The following UBAP2 variants were observed in gnomAD, a reference collection of about 807,000 sequenced individuals.
UBAP2 encodes the protein ubiquitin-associated protein 2.
A neutral mutation model predicts 139.6 loss-of-function variants in UBAP2; 75 were observed. The ratio of observed to expected loss-of-function variants is 0.54; its 90% CI spans 0.45 to 0.65. The LOEUF (loss-of-function observed/expected upper bound fraction) is 0.65. UBAP2 is among the 30% of genes least tolerant of loss of function. The pLI is 0.00. For missense variants in UBAP2, 1,368 were observed against 1,369.6 expected (o/e 1.00, Z 0.02); for synonymous variants, 526 against 526.2 (o/e 1.00, Z 0.01).
At chr9:33,977,058 A>T (rs1245896972) in intron 6 of UBAP2, among the ~76,000 whole-genome samples, 1 of 133,830 alleles carries the variant, frequency 7.5e-6, no homozygotes, top group Non-Finnish European at 1.6e-5. Flanking sequence ...TTTTTTTTTG[A>T]GACAGAGTCT....
chr9:33,986,752 T>C lies in UBAP2; in HGVS notation c.520+8A>G. ...GAAAGCATTTTCTTCCCTCTTACTC[T>C]AGCTTACCTCTACCCCGGGCTCGCT... is the stretch of plus-strand genomic sequence containing the variant. On this transcript the variant is annotated splice_region_variant and intron_variant, in intron 6 of 28. Coordinates refer to ENST00000379238, the MANE Select transcript of UBAP2 (RefSeq NM_001370062.2). The C allele has an allele frequency of 1.2e-6, 2 of 1,607,280 alleles. No homozygotes were observed. The highest frequency in any genetic ancestry group is 1.7e-6 in the Non-Finnish European group (2 of 1,174,948).
At chr9:34,003,673 C>T (rs549197555) in intron 2 of UBAP2, among the ~76,000 whole-genome samples, 1 of 152,208 alleles carries the variant, frequency 6.6e-6, no homozygotes, top group East Asian at 1.9e-4. Context: ...TCCCAAAGTG[C>T]TGGGATTACA....
At chr9:33,970,866 G>T (rs1054952571) in intron 8 of UBAP2, among the ~76,000 whole-genome samples, 1 of 152,186 alleles carries the variant, frequency 6.6e-6, no homozygotes, top group African/African-American at 2.4e-5. Flanking sequence ...GCAATGGCAC[G>T]ATCTCGGCTC....
At chr9:34,000,739 G>A (rs1822628149) in intron 2 of UBAP2, among the ~76,000 whole-genome samples, 1 of 152,170 alleles carries the variant, frequency 6.6e-6, no homozygotes, top group Non-Finnish European at 1.5e-5. Flanking sequence ...GGGATAAGTG[G>A]GAGTTGTTGA....
chr9:33,949,468 C>T (rs776538494), intron 12 of UBAP2, among the ~76,000 whole-genome samples: 7 of 152,034 alleles, frequency 4.6e-5, no homozygotes, highest in African/African-American at 1.4e-4. Context: ...TTTGGGAAGC[C>T]GAGGTGGGTG....
Position 33,923,420 on chromosome 9 carries a change from A to G in UBAP2, c.2855T>C (p.Phe952Ser). The G allele has an allele frequency of 6.2e-7, 1 of 1,613,996 alleles. No individual in the cohort carries two copies. Among genetic ancestry groups the G allele is most frequent in the Non-Finnish European group, 8.5e-7 (1 of 1,179,974 alleles). The change falls in exon 25 of 29, where the codon TTC becomes TCC. Residue 952 changes from phenylalanine to serine, a missense_variant. Physicochemically the swap from Phe to Ser is radical, Grantham distance 155. Transcript: ENST00000379238. Reference protein sequence around the residue: ...GVNLSTPTPPFQQASGYGQHG... With the variant: ...GVNLSTPTPPSQQASGYGQHG... ...CTGGCCATAACCACTGGCCTGCTGG[A>G]AGGGAGGTGTGGGAGTGCTGAGGTT...
chr9:33,953,422 C>G lies in UBAP2; in HGVS notation c.919G>C (p.Glu307Gln), dbSNP rs1564028347. Residue 307 changes from glutamate (E) to glutamine (Q), a missense_variant, in exon 12 of 29, where the codon GAA becomes CAA. By Grantham distance (29) the Glu-to-Gln change is conservative (BLOSUM62 2). Coordinates refer to ENST00000379238, the MANE Select transcript of UBAP2 (RefSeq NM_001370062.2). The part of the protein sequence containing the change: ...QKPVPHSQAS[E>Q]ANSFETSQQQ... ...TGGGAAGTTTCAAAGGAGTTGGCTT[C>G]TGAGGCTTGACTGTGAGGAACAGGC... is the stretch of plus-strand genomic sequence containing the variant. 1 of 1,614,140 alleles carries G rather than the reference C, an allele frequency of 6.2e-7. No homozygotes were observed. Among genetic ancestry groups the G allele is most frequent in the Non-Finnish European group, 8.5e-7 (1 of 1,180,018 alleles).
At chr9:34,008,942 C>A (rs547771612) in intron 2 of UBAP2, among the ~76,000 whole-genome samples, 1 of 112,840 alleles carries the variant, frequency 8.9e-6, no homozygotes, top group Non-Finnish European at 1.6e-5. Context: ...TCCAGCCTGG[C>A]GACACAGCGA....
chr9:34,013,387 C>A (rs1463112826), intron 2 of UBAP2, among the ~76,000 whole-genome samples: 2 of 151,690 alleles, frequency 1.3e-5, no homozygotes, highest in African/African-American at 4.8e-5. Context: ...CCGTCTCTAC[C>A]AAACATACAA....
chr9:33,956,404 T>C (rs1268434439), intron 10 of UBAP2, among the ~76,000 whole-genome samples: 3 of 151,576 alleles, frequency 2.0e-5, no homozygotes, highest in Admixed American at 6.6e-5. Context: ...CTGCAATCTG[T>C]GCCTCCTGGG....
At chr9:33,970,785 TTA>T (rs1315055968) in intron 8 of UBAP2, among the ~76,000 whole-genome samples, 1 of 152,034 alleles carries the variant, frequency 6.6e-6, no homozygotes, top group African/African-American at 2.4e-5. Context: ...TTGTGTTAAA[TTA>T]TGTTTCTGTT....
intron 19 of UBAP2, 65 bp from the exon 20 acceptor site, chr9:33,928,057 T>C: frequency 6.6e-7 from 1 of 1,509,568 alleles, no homozygotes; most frequent in South Asian, 1.3e-5. Context: ...GGGGAGAGCC[T>C]GGCCTGGCGC....
chr9:33,923,103 T>G, intron 26 of UBAP2, 70 bp from the exon 27 acceptor site: 1 of 1,612,558 alleles, frequency 6.2e-7, no homozygotes, highest in South Asian at 1.1e-5. Flanking sequence ...CCAGGATCAC[T>G]CAGGGGTTGC....
intron 4 of UBAP2, among the ~76,000 whole-genome samples, chr9:33,993,744 G>A (rs1382204617): frequency 1.3e-5 from 2 of 152,118 alleles, no homozygotes; most frequent in Non-Finnish European, 2.9e-5. Context: ...ACTCAGCCCT[G>A]AACAAGTGTA....
chr9:34,024,366 C>T (rs537766062), intron 1 of UBAP2, among the ~76,000 whole-genome samples: 1 of 151,762 alleles, frequency 6.6e-6, no homozygotes, highest in East Asian at 1.9e-4. Flanking sequence ...ATAGCAAATA[C>T]ATTCTTTGAA....
At chr9:33,990,481 T>G (rs1821607364) in intron 4 of UBAP2, among the ~76,000 whole-genome samples, 1 of 152,108 alleles carries the variant, frequency 6.6e-6, no homozygotes, top group Non-Finnish European at 1.5e-5. Flanking sequence ...ATGAAAAAGA[T>G]ATAAATTATG....
At chr9:33,979,417 AAT>A (rs925536198) in intron 6 of UBAP2, among the ~76,000 whole-genome samples, 1 of 152,170 alleles carries the variant, frequency 6.6e-6, no homozygotes, top group African/African-American at 2.4e-5. Context: ...CTCTACTGAA[AAT>A]ACAAAATTAG....
chr9:34,044,780 C>G (rs1827421586), intron 1 of UBAP2, among the ~76,000 whole-genome samples: 1 of 151,236 alleles, frequency 6.6e-6, no homozygotes, highest in South Asian at 2.1e-4. Flanking sequence ...GCAGGAGCAT[C>G]ACTTGAACCC....
At chr9:34,008,288 A>T (rs1823413521) in intron 2 of UBAP2, among the ~76,000 whole-genome samples, 1 of 150,132 alleles carries the variant, frequency 6.7e-6, no homozygotes, top group South Asian at 2.1e-4. Context: ...ATTGCACTGC[A>T]GCGTGGGCAA....
Sources: allele counts gnomAD v4.1 joint callset (sites outside exome capture counted in the v4.1 genomes callset), GRCh38; gene constraint gnomAD v4.1.1; transcripts MANE v1.5; gene names NCBI Gene and HGNC (gene_info 2026-07-23, HGNC 2026-07-21).